PEX7: variants seen among roughly 807,000 people sequenced by gnomAD.
PEX7 encodes PTS2 receptor.
In PEX7, 34 loss-of-function variants were observed where a neutral mutation model predicts 47.5. That is an observed-to-expected ratio of 0.72 (90% CI 0.54 to 0.95). The LOEUF (loss-of-function observed/expected upper bound fraction) is 0.95, where lower values mean the gene tolerates loss of function less well. Ranked by LOEUF, PEX7 falls within the 40% of genes least tolerant of loss-of-function variation. The pLI, the probability that PEX7 is intolerant of heterozygous loss-of-function variation, is 0.00. For missense variants in PEX7, 394 were observed against 400.3 expected, an observed-to-expected ratio of 0.98 and a Z score of 0.13; for synonymous variants, 141 against 148.8, an observed-to-expected ratio of 0.95 and a Z score of 0.38.
At chr6:136,837,817 C>T (rs200803566) in intron 3 of PEX7, among the ~76,000 whole-genome samples, 31 of 139,084 alleles carry the variant, frequency 2.2e-4, no homozygotes, top group Non-Finnish European at 3.1e-4. Context: ...AAACGCCACA[C>T]ACACACACAC....
In PEX7 at chr6:136,872,186, T is replaced by C; in HGVS notation, c.748-12T>C. 2 of 1,606,388 alleles carry C rather than the reference T, an allele frequency of 1.2e-6. No homozygotes were observed. The highest frequency in any genetic ancestry group is 1.7e-6 in the Non-Finnish European group (2 of 1,178,558). On this transcript the variant is annotated splice_polypyrimidine_tract_variant and intron_variant, in intron 7 of 9. Coordinates refer to ENST00000318471, the MANE Select transcript of PEX7 (RefSeq NM_000288.4). The stretch of plus-strand genomic sequence containing the variant: ...TTCAAAAAGGGTTTTTTTTTTCTTT[T>C]TTTTTTTGTAGTTTTCACCATTTCA...
At chr6:136,823,115 C>T (rs901538006) in intron 1 of PEX7, 1 of 985,320 alleles carries the variant, frequency 1.0e-6, no homozygotes, top group Non-Finnish European at 1.2e-6. Flanking sequence ...GTAGGGAGAG[C>T]CGGGGGAGCC....
At chr6:136,859,990 G>T (rs959979726) in intron 5 of PEX7, among the ~76,000 whole-genome samples, 1 of 151,012 alleles carries the variant, frequency 6.6e-6, no homozygotes, top group Non-Finnish European at 1.5e-5. Context: ...TCCAGCCTGG[G>T]TGACAGAGTT....
At chr6:136,844,350 G>A (rs545205425) in intron 3 of PEX7, among the ~76,000 whole-genome samples, 1 of 150,726 alleles carries the variant, frequency 6.6e-6, no homozygotes, top group African/African-American at 2.4e-5. Context: ...CAGCCTGGGC[G>A]ACTGCGCAAG....
intron 3 of PEX7, among the ~76,000 whole-genome samples, chr6:136,833,967 G>C (rs1054707744): frequency 6.6e-6 from 1 of 152,064 alleles, no homozygotes; most frequent in African/African-American, 2.4e-5. Context: ...TTGTAGTTTG[G>C]GACATGCAGA....
intron 3 of PEX7, among the ~76,000 whole-genome samples, chr6:136,835,676 A>G (rs747093480): frequency 6.6e-6 from 1 of 152,124 alleles, no homozygotes; most frequent in African/African-American, 2.4e-5. Context: ...AGATGATTTC[A>G]ATGTGCAGCA....
At chr6:136,865,983 T>C (rs2115215022) in intron 5 of PEX7, among the ~76,000 whole-genome samples, 1 of 152,074 alleles carries the variant, frequency 6.6e-6, no homozygotes, top group African/African-American at 2.4e-5. Context: ...CTCGGGAGGC[T>C]GAGGCAGGAG....
chr6:136,839,314 A>G (rs909893516), intron 3 of PEX7, among the ~76,000 whole-genome samples: 3 of 152,198 alleles, frequency 2.0e-5, no homozygotes, highest in Non-Finnish European at 4.4e-5. Context: ...AAAATTCTGG[A>G]CATAGTTTTT....
intron 5 of PEX7, among the ~76,000 whole-genome samples, chr6:136,862,500 A>G (rs970694603): frequency 7.2e-6 from 1 of 138,836 alleles, no homozygotes; most frequent in Non-Finnish European, 1.6e-5. Context: ...CTCAACCTCC[A>G]GAGTAGCTGG....
At chr6:136,908,108 C>T (rs1027679082) in intron 9 of PEX7, among the ~76,000 whole-genome samples, 1 of 152,054 alleles carries the variant, frequency 6.6e-6, no homozygotes, top group Non-Finnish European at 1.5e-5. Flanking sequence ...AATGTATATG[C>T]CATACATACC....
chr6:136,846,991 T>C (rs1459541652), intron 5 of PEX7, among the ~76,000 whole-genome samples: 2 of 152,202 alleles, frequency 1.3e-5, no homozygotes, highest in Admixed American at 1.3e-4. Flanking sequence ...CTCCACATCC[T>C]CTCCAGCACC....
At chr6:136,826,276 G>A in intron 2 of PEX7, 43 bp from the exon 3 acceptor site, 1 of 1,605,192 alleles carries the variant, frequency 6.2e-7, no homozygotes, top group South Asian at 1.1e-5. Context: ...AGCTGCCTAT[G>A]TAAGTGTTGT....
intron 3 of PEX7, 39 bp downstream of exon 3, chr6:136,826,508 C>T: frequency 6.2e-7 from 1 of 1,613,140 alleles, no homozygotes; most frequent in Non-Finnish European, 8.5e-7. Context: ...ATTTTTCTTT[C>T]TTCGACTTTG....
chr6:136,894,606 A>G (rs1649978375), intron 8 of PEX7, among the ~76,000 whole-genome samples: 1 of 152,192 alleles, frequency 6.6e-6, no homozygotes, highest in Non-Finnish European at 1.5e-5. Flanking sequence ...AATAAAAGTA[A>G]TAATAAAATG....
At chr6:136,853,795 G>T (rs922428153) in intron 5 of PEX7, among the ~76,000 whole-genome samples, 2 of 152,062 alleles carry the variant, frequency 1.3e-5, no homozygotes, top group African/African-American at 4.8e-5. Flanking sequence ...ATGTATAGAG[G>T]CATAGTTAAT....
intron 5 of PEX7, among the ~76,000 whole-genome samples, chr6:136,850,591 A>G (rs958596406): frequency 1.3e-5 from 2 of 152,180 alleles, no homozygotes; most frequent in Admixed American, 6.5e-5. Context: ...TCCAACTCCT[A>G]AAGAATAATT....
intron 3 of PEX7, among the ~76,000 whole-genome samples, chr6:136,835,140 G>C (rs186673919): frequency 9.7e-4 from 148 of 152,118 alleles, no homozygotes; most frequent in African/African-American, 3.5e-3. Context: ...GGTCAGGCTG[G>C]TCTTGAACTC....
chr6:136,883,526 A>G (rs967568281), intron 8 of PEX7, among the ~76,000 whole-genome samples: 5 of 151,542 alleles, frequency 3.3e-5, no homozygotes, highest in African/African-American at 1.2e-4. Flanking sequence ...TGTTTTTCTT[A>G]CTCTCCTCTG....
At chr6:136,872,114 A>C in intron 7 of PEX7, 84 bp from the exon 8 acceptor site, 1 of 1,163,364 alleles carries the variant, frequency 8.6e-7, no homozygotes. Context: ...ATTTATTATA[A>C]TGTTTATGGA....
Sources: gnomAD v4.1 joint callset for allele counts (sites outside exome capture counted in the v4.1 genomes callset) on GRCh38, gnomAD v4.1.1 for gene constraint, MANE v1.5 for transcripts, NCBI Gene and HGNC (gene_info 2026-07-23, HGNC 2026-07-21) for gene names.